Variants in EDA observed in about 807,000 individuals in gnomAD.
EDA encodes ectodysplasin-A.
A neutral mutation model predicts 23.6 loss-of-function variants in EDA; 2 were observed. That is an observed-to-expected ratio of 0.08 (90% CI 0.03 to 0.27). The LOEUF (loss-of-function observed/expected upper bound fraction) is 0.27, where lower values mean the gene tolerates loss of function less well. Ranked by LOEUF, EDA falls within the 10% of genes least tolerant of loss-of-function variation. The pLI is 1.00. For synonymous variants in EDA, 131 were observed against 132.0 expected, an observed-to-expected ratio of 0.99 and a Z score of 0.05; for missense variants, 229 against 324.2, an observed-to-expected ratio of 0.71 and a Z score of 2.26.
intron 1 of EDA, among the ~76,000 whole-genome samples, chrX:69,670,539 G>C (rs1933855022): frequency 9.1e-6 from 1 of 110,247 alleles, no homozygotes. Context: ...TAATGTGAAA[G>C]TTTGTTTAAT....
At chrX:69,893,517 T>C (rs758831304) in intron 1 of EDA, among the ~76,000 whole-genome samples, 2 of 112,060 alleles carry the variant, frequency 1.8e-5, no homozygotes, top group Non-Finnish European at 3.8e-5. Flanking sequence ...TTCAAAAACA[T>C]TAGTCCCCTA....
chrX:69,896,574 C>G (rs1385199501), intron 1 of EDA, among the ~76,000 whole-genome samples: 1 of 111,022 alleles, frequency 9.0e-6, no homozygotes, highest in East Asian at 2.8e-4. Context: ...AATGTTAAAC[C>G]TAGAAGTAAT....
At chrX:70,002,138 A>G (rs955669409) in intron 2 of EDA, among the ~76,000 whole-genome samples, 2 of 112,024 alleles carry the variant, frequency 1.8e-5, no homozygotes, top group African/African-American at 3.2e-5. Flanking sequence ...GCAATGTCAC[A>G]GTGGTATTAG....
At chrX:70,016,187 T>A (rs1004827828) in intron 2 of EDA, among the ~76,000 whole-genome samples, 1 of 111,926 alleles carries the variant, frequency 8.9e-6, no homozygotes, top group Admixed American at 9.5e-5. Context: ...CTAGCTATCC[T>A]AAATATATAT....
intron 1 of EDA, among the ~76,000 whole-genome samples, chrX:69,878,186 T>A (rs765581177): frequency 8.9e-6 from 1 of 112,380 alleles, no homozygotes; most frequent in East Asian, 2.8e-4. Flanking sequence ...TATGTACAAA[T>A]CACAGTGATT....
chrX:69,828,682 G>A (rs932591060), intron 1 of EDA, among the ~76,000 whole-genome samples: 1 of 112,395 alleles, frequency 8.9e-6, no homozygotes, highest in African/African-American at 3.2e-5. Context: ...CACGCTGGGA[G>A]CTGTAGACCG....
At chrX:69,903,578 C>T (rs1487762630) in intron 1 of EDA, among the ~76,000 whole-genome samples, 4 of 94,699 alleles carry the variant, frequency 4.2e-5, no homozygotes, top group Admixed American at 1.1e-4. Flanking sequence ...AGGCCCCCTC[C>T]GCACACACAC....
At chrX:69,644,274 G>C (rs1165458070) in intron 1 of EDA, among the ~76,000 whole-genome samples, 1 of 110,636 alleles carries the variant, frequency 9.0e-6, no homozygotes, top group South Asian at 3.9e-4. Flanking sequence ...TGTCCTCTCT[G>C]ATTTCCTTGA....
intron 1 of EDA, among the ~76,000 whole-genome samples, chrX:69,759,095 T>C (rs1211599893): frequency 8.9e-6 from 1 of 112,653 alleles, no homozygotes; most frequent in Non-Finnish European, 1.9e-5. Flanking sequence ...ATTCTGTATA[T>C]TTTAAGATTT....
At position 69,784,735 on chromosome X, in the gene EDA, A is replaced by G. The variant is rs1383024260; in HGVS notation, c.396+168031A>G. ...TGAAGTCAGGTAGTGTGATGCCTCC[A>G]GCTTTGTTCTTTTGGCTTAGGATTG... On this transcript the variant is annotated intron_variant, in intron 1 of 7. Coordinates refer to ENST00000374552, the MANE Select transcript of EDA (RefSeq NM_001399.5). Among the ~76,000 whole-genome samples, 28 of 104,353 alleles carry G rather than the reference A, an allele frequency of 2.7e-4. 1 individual carries two copies. The Admixed American group carries it at 2.9e-3, about 11-fold the overall frequency. The allele number at this position is 104,353 out of a possible 115,157, so 90.6% of individuals were successfully genotyped here.
intron 1 of EDA, among the ~76,000 whole-genome samples, chrX:69,727,770 A>C (rs191791377): frequency 5.2e-4 from 58 of 111,783 alleles, no homozygotes; most frequent in African/African-American, 1.5e-3. Context: ...CCTATTCCTA[A>C]AGCATTTAAT....
chrX:69,633,875 A>G (rs1233496873), intron 1 of EDA, among the ~76,000 whole-genome samples: 2 of 112,057 alleles, frequency 1.8e-5, no homozygotes, highest in Admixed American at 9.4e-5. Flanking sequence ...TGGGGTATAT[A>G]CCTAGTGGTG....
intron 2 of EDA, among the ~76,000 whole-genome samples, chrX:69,978,318 T>TTAAAAAAAAA (rs2019345823): frequency 9.8e-5 from 2 of 20,420 alleles, no homozygotes; most frequent in African/African-American, 2.5e-4. Flanking sequence ...ACTCCATCTC[T>TTAAAAAAAAA]AAAAAAAAAA....
chrX:69,863,559 ATATGTGTGTATATATG>A (rs1388198638), intron 1 of EDA, among the ~76,000 whole-genome samples: 3 of 63,105 alleles, frequency 4.8e-5, no homozygotes, highest in East Asian at 1.0e-3. Context: ...ATATGTATAT[ATATGTGTGTATATATG>A]TGTGTGTATA....
intron 1 of EDA, among the ~76,000 whole-genome samples, chrX:69,883,783 A>G (rs2017786132): frequency 8.9e-6 from 1 of 111,753 alleles, no homozygotes; most frequent in Non-Finnish European, 1.9e-5. Flanking sequence ...TCTTTGATCA[A>G]CTAAGTAGTC....
chrX:69,955,450 G>A (rs1300422046), intron 1 of EDA, among the ~76,000 whole-genome samples: 1 of 111,610 alleles, frequency 9.0e-6, no homozygotes, highest in Non-Finnish European at 1.9e-5. Context: ...TACACCTTAA[G>A]GATATTGGGT....
At chrX:69,777,436 G>A (rs1390718713) in intron 1 of EDA, among the ~76,000 whole-genome samples, 1 of 110,946 alleles carries the variant, frequency 9.0e-6, no homozygotes, top group African/African-American at 3.3e-5. Context: ...TTGTCATTTG[G>A]GGGTTAGAAG....
chrX:69,785,405 T>A (rs1278760545), intron 1 of EDA, among the ~76,000 whole-genome samples: 12 of 88,826 alleles, frequency 1.4e-4, no homozygotes, highest in African/African-American at 4.4e-4. Context: ...TTTTTGCCCA[T>A]TCAGTTTGAT....
intron 1 of EDA, among the ~76,000 whole-genome samples, chrX:69,802,953 T>G (rs1186392326): frequency 1.8e-5 from 2 of 111,760 alleles, no homozygotes; most frequent in African/African-American, 3.2e-5. Context: ...TAGGCCTACA[T>G]AGAAGGTTCT....
Sources: allele counts gnomAD v4.1 joint callset (sites outside exome capture counted in the v4.1 genomes callset), GRCh38; gene constraint gnomAD v4.1.1; transcripts MANE v1.5; gene names NCBI Gene and HGNC (gene_info 2026-07-23, HGNC 2026-07-21).